Variants in MACROD2 observed in about 807,000 individuals in gnomAD.
The protein encoded by MACROD2 is mono-ADP ribosylhydrolase 2.
In MACROD2, 36 loss-of-function variants were observed where a neutral mutation model predicts 70.4. The observed-to-expected ratio is 0.51, with a 90% CI of 0.39 to 0.68. MACROD2 has a LOEUF of 0.68. Among genes scored for constraint, MACROD2 ranks in the 30% least tolerant of loss-of-function variants. The pLI, the probability that MACROD2 is intolerant of heterozygous loss-of-function variation, is 0.00. For synonymous variants in MACROD2, 172 were observed against 178.8 expected (o/e 0.96, Z 0.30); for missense variants, 496 against 538.4 (o/e 0.92, Z 0.78).
chr20:15,925,486 A>G (rs900320004), intron 10 of MACROD2, among the ~76,000 whole-genome samples: 9 of 152,188 alleles, frequency 5.9e-5, no homozygotes, highest in Non-Finnish European at 1.2e-4. Context: ...TTATTTATTA[A>G]GAGGCTATGT....
intron 8 of MACROD2, among the ~76,000 whole-genome samples, chr20:15,524,214 G>A (rs1338565969): frequency 6.6e-6 from 1 of 151,898 alleles, no homozygotes; most frequent in African/African-American, 2.4e-5. Flanking sequence ...GTGGTGCCAG[G>A]CTCTCAGATT....
chr20:15,223,904 G>A (rs1407927870), intron 5 of MACROD2, among the ~76,000 whole-genome samples: 1 of 152,156 alleles, frequency 6.6e-6, no homozygotes, highest in Admixed American at 6.5e-5. Flanking sequence ...TGACTCCCAA[G>A]CCTGTGTTAT....
intron 2 of MACROD2, among the ~76,000 whole-genome samples, chr20:14,020,285 C>T (rs2053056898): frequency 6.6e-6 from 1 of 152,118 alleles, no homozygotes; most frequent in African/African-American, 2.4e-5. Flanking sequence ...CCAGCCTGAC[C>T]AATACGGAGA....
At chr20:14,447,499 G>A (rs1480998238) in intron 3 of MACROD2, among the ~76,000 whole-genome samples, 1 of 151,560 alleles carries the variant, frequency 6.6e-6, no homozygotes, top group South Asian at 2.1e-4. Context: ...GTACGTACAC[G>A]TGTGTGTGTG....
At chr20:14,730,409 T>C (rs894509757) in intron 5 of MACROD2, among the ~76,000 whole-genome samples, 1 of 152,064 alleles carries the variant, frequency 6.6e-6, no homozygotes, top group Admixed American at 6.6e-5. Context: ...CTCACCCACA[T>C]GACCAACAAC....
intron 15 of MACROD2, among the ~76,000 whole-genome samples, chr20:16,020,014 A>C (rs903265609): frequency 1.3e-5 from 2 of 152,086 alleles, no homozygotes; most frequent in African/African-American, 4.8e-5. Flanking sequence ...TCACCTCCCA[A>C]CTGTTCTTCC....
chr20:14,879,066 C>T (rs1225655204), intron 5 of MACROD2, among the ~76,000 whole-genome samples: 1 of 152,162 alleles, frequency 6.6e-6, no homozygotes, highest in Non-Finnish European at 1.5e-5. Context: ...TCACCTTACT[C>T]ATCTCTGTTG....
intron 5 of MACROD2, among the ~76,000 whole-genome samples, chr20:15,167,799 G>A (rs376709365): frequency 6.6e-6 from 1 of 152,100 alleles, no homozygotes. Flanking sequence ...TTTAAACCGT[G>A]AGTAGAGATA....
intron 4 of MACROD2, among the ~76,000 whole-genome samples, chr20:14,496,775 TTTC>T: frequency 6.6e-6 from 1 of 151,890 alleles, no homozygotes; most frequent in East Asian, 1.9e-4. Flanking sequence ...TATGTACTAA[TTTC>T]TTAATATATA....
chr20:15,139,124 C>A (rs2076172700), intron 5 of MACROD2, among the ~76,000 whole-genome samples: 1 of 151,948 alleles, frequency 6.6e-6, no homozygotes, highest in African/African-American at 2.4e-5. Context: ...TCGTTTTGGC[C>A]CCTGTGAATA....
chr20:14,726,163 C>T (rs1334367679), intron 5 of MACROD2, among the ~76,000 whole-genome samples: 3 of 152,086 alleles, frequency 2.0e-5, no homozygotes, highest in Non-Finnish European at 2.9e-5. Context: ...AGTAATTCTC[C>T]TTATATTCTT....
intron 5 of MACROD2, among the ~76,000 whole-genome samples, chr20:15,116,595 A>G (rs1213565405): frequency 6.6e-6 from 1 of 152,232 alleles, no homozygotes; most frequent in East Asian, 1.9e-4. Flanking sequence ...CAGTGAGCCA[A>G]GATCGTGCCA....
At chr20:14,706,698 T>A (rs971424245) in intron 5 of MACROD2, among the ~76,000 whole-genome samples, 1 of 152,126 alleles carries the variant, frequency 6.6e-6, no homozygotes, top group African/African-American at 2.4e-5. Context: ...TTGCTCCGCT[T>A]TATTCTTCCT....
At chr20:14,564,298 G>A (rs1194202997) in intron 4 of MACROD2, among the ~76,000 whole-genome samples, 3 of 151,716 alleles carry the variant, frequency 2.0e-5, no homozygotes, top group Non-Finnish European at 4.4e-5. Flanking sequence ...TAGACAAAGA[G>A]TTTATGACTA....
chr20:14,583,546 C>T (rs1311225548), intron 4 of MACROD2, among the ~76,000 whole-genome samples: 1 of 152,184 alleles, frequency 6.6e-6, no homozygotes, highest in East Asian at 1.9e-4. Context: ...CCCAAATAAA[C>T]AACTGATGTC....
intron 4 of MACROD2, among the ~76,000 whole-genome samples, chr20:14,547,831 G>A (rs1188677256): frequency 6.6e-6 from 1 of 152,112 alleles, no homozygotes; most frequent in Non-Finnish European, 1.5e-5. Flanking sequence ...AGAGGGGCTG[G>A]AATTTCCAAA....
chr20:14,037,145 G>A (rs944710813), intron 2 of MACROD2, among the ~76,000 whole-genome samples: 31 of 152,048 alleles, frequency 2.0e-4, no homozygotes, highest in African/African-American at 7.0e-4. Flanking sequence ...TGGTTATATT[G>A]AAAGGTAGCC....
intron 6 of MACROD2, among the ~76,000 whole-genome samples, chr20:15,268,270 G>T (rs2077314424): frequency 6.6e-6 from 1 of 152,206 alleles, no homozygotes; most frequent in Non-Finnish European, 1.5e-5. Flanking sequence ...AAATGGAAAA[G>T]AAGTTGACTG....
chr20:14,273,914 C>T (rs1056097226), intron 3 of MACROD2, among the ~76,000 whole-genome samples: 170 of 152,048 alleles, frequency 1.1e-3, no homozygotes, highest in Non-Finnish European at 1.8e-3. Context: ...ATAAATTCCT[C>T]GACACATACA....
Sources: allele counts gnomAD v4.1 joint callset (sites outside exome capture counted in the v4.1 genomes callset), GRCh38; gene constraint gnomAD v4.1.1; transcripts MANE v1.5; gene names NCBI Gene and HGNC (gene_info 2026-07-23, HGNC 2026-07-21).